Variants in LRRC4C observed in about 807,000 individuals in gnomAD.
LRRC4C encodes the protein leucine-rich repeat-containing protein 4C.
A neutral mutation model predicts 33.6 loss-of-function variants in LRRC4C; 5 were observed. The observed-to-expected ratio is 0.15, with a 90% CI of 0.08 to 0.31. The LOEUF is 0.31. Among genes scored for constraint, LRRC4C ranks in the 10% least tolerant of loss-of-function variants. The pLI is 1.00. For missense variants in LRRC4C, 560 were observed against 796.7 expected (o/e 0.70, Z 3.58); for synonymous variants, 329 against 302.0 (o/e 1.09, Z -0.93).
intron 3 of LRRC4C, among the ~76,000 whole-genome samples, chr11:40,451,233 C>A (rs1313244326): frequency 6.6e-6 from 1 of 151,394 alleles, no homozygotes; most frequent in Non-Finnish European, 1.5e-5. Flanking sequence ...GCATCAAAAG[C>A]CAGCTGCCTA....
intron 3 of LRRC4C, among the ~76,000 whole-genome samples, chr11:40,620,439 T>A (rs1962340953): frequency 6.6e-6 from 1 of 151,624 alleles, no homozygotes; most frequent in South Asian, 2.1e-4. Flanking sequence ...TGGAAGGAGG[T>A]AGACCAGAAA....
intron 1 of LRRC4C, among the ~76,000 whole-genome samples, chr11:41,016,306 G>A (rs1289360607): frequency 2.0e-5 from 3 of 152,086 alleles, no homozygotes; most frequent in Non-Finnish European, 4.4e-5. Flanking sequence ...AAAACTATAT[G>A]ACAGGAGAGT....
chr11:40,213,620 G>A (rs1026663493), intron 5 of LRRC4C, among the ~76,000 whole-genome samples: 1 of 152,114 alleles, frequency 6.6e-6, no homozygotes, highest in Non-Finnish European at 1.5e-5. Context: ...AATGGTAGCT[G>A]TGGTATCTAC....
At chr11:40,695,093 G>T (rs1291618027) in intron 2 of LRRC4C, among the ~76,000 whole-genome samples, 1 of 152,058 alleles carries the variant, frequency 6.6e-6, no homozygotes, top group Non-Finnish European at 1.5e-5. Flanking sequence ...TTGAATAACT[G>T]ATGGACCAAC....
At chr11:40,391,637 G>T (rs56249034) in intron 3 of LRRC4C, among the ~76,000 whole-genome samples, 1 of 152,066 alleles carries the variant, frequency 6.6e-6, no homozygotes, top group Non-Finnish European at 1.5e-5. Context: ...CAGTATTTCC[G>T]CTGCAAGCCA....
chr11:41,168,123 G>A (rs1042973949), intron 1 of LRRC4C, among the ~76,000 whole-genome samples: 3 of 152,086 alleles, frequency 2.0e-5, no homozygotes, highest in Non-Finnish European at 2.9e-5. Flanking sequence ...CACCTGCAGG[G>A]ACAAAGCAGG....
intron 3 of LRRC4C, among the ~76,000 whole-genome samples, chr11:40,354,358 T>C (rs116476347): frequency 1.4e-3 from 218 of 152,272 alleles, no homozygotes; most frequent in African/African-American, 5.0e-3. Flanking sequence ...TGTTCACTCA[T>C]GTCCAAGAGC....
chr11:41,058,704 T>G (rs915373714), intron 1 of LRRC4C, among the ~76,000 whole-genome samples: 2 of 152,220 alleles, frequency 1.3e-5, no homozygotes, highest in African/African-American at 4.8e-5. Flanking sequence ...AACCTGTTAT[T>G]GATAATGTAC....
intron 1 of LRRC4C, among the ~76,000 whole-genome samples, chr11:41,231,353 C>G (rs1262409218): frequency 3.9e-5 from 6 of 152,010 alleles, no homozygotes; most frequent in Non-Finnish European, 8.8e-5. Flanking sequence ...ATAGCAAAGA[C>G]TTGGAACCAA....
chr11:40,683,878 G>C (rs763805534), intron 2 of LRRC4C, among the ~76,000 whole-genome samples: 1 of 152,236 alleles, frequency 6.6e-6, no homozygotes, highest in African/African-American at 2.4e-5. Flanking sequence ...CTGCTAAAAC[G>C]CCAGGCTTGC....
intron 3 of LRRC4C, among the ~76,000 whole-genome samples, chr11:40,521,640 G>A (rs886881130): frequency 1.3e-5 from 2 of 152,126 alleles, no homozygotes; most frequent in African/African-American, 4.8e-5. Context: ...GGAGGCAAAG[G>A]TGGGTGGATC....
intron 4 of LRRC4C, among the ~76,000 whole-genome samples, chr11:40,309,276 T>C (rs1945188143): frequency 6.6e-6 from 1 of 152,214 alleles, no homozygotes; most frequent in Non-Finnish European, 1.5e-5. Flanking sequence ...ATCATATTCA[T>C]ATTCAATATT....
At chr11:41,274,633 T>C (rs1949423235) in intron 1 of LRRC4C, among the ~76,000 whole-genome samples, 1 of 152,022 alleles carries the variant, frequency 6.6e-6, no homozygotes, top group South Asian at 2.1e-4. Context: ...CAGCAGGACA[T>C]GGGTGGGGAC....
At chr11:40,463,305 GGTGTGTGTGTGT>G (rs33911904) in intron 3 of LRRC4C, among the ~76,000 whole-genome samples, 137 of 144,594 alleles carry the variant, frequency 9.5e-4, no homozygotes, top group African/African-American at 2.4e-3. Flanking sequence ...ATGTGTTACT[GGTGTGTGTGTGT>G]GTGTGTGTGT....
chr11:40,291,488 C>T (rs1164046113), intron 4 of LRRC4C, among the ~76,000 whole-genome samples: 1 of 152,206 alleles, frequency 6.6e-6, no homozygotes, highest in Non-Finnish European at 1.5e-5. Flanking sequence ...TACACAGCCT[C>T]TCTGTAATCC....
chr11:40,280,842 G>A (rs1943425533), intron 4 of LRRC4C, among the ~76,000 whole-genome samples: 1 of 152,118 alleles, frequency 6.6e-6, no homozygotes, highest in Non-Finnish European at 1.5e-5. Context: ...CACAGCTTCC[G>A]TTTAATTAGG....
chr11:40,658,039 C>T (rs11035999), intron 2 of LRRC4C, among the ~76,000 whole-genome samples: 29,585 of 152,140 alleles, frequency 0.19, 3,204 homozygotes, highest in East Asian at 0.47. Context: ...TGTAGTCTTT[C>T]CACATACCTG....
chr11:40,584,177 C>T (rs376515928), intron 3 of LRRC4C, among the ~76,000 whole-genome samples: 9 of 71,270 alleles, frequency 1.3e-4, no homozygotes, highest in East Asian at 8.3e-4. Context: ...ACGCACACTT[C>T]ATATATATAT....
At chr11:41,096,992 G>A (rs1444137843) in intron 1 of LRRC4C, among the ~76,000 whole-genome samples, 1 of 152,154 alleles carries the variant, frequency 6.6e-6, no homozygotes, top group Admixed American at 6.6e-5. Context: ...AAGAAGGGAT[G>A]ATAGGAAAAG....
Sources: allele counts gnomAD v4.1 joint callset (sites outside exome capture counted in the v4.1 genomes callset), GRCh38; gene constraint gnomAD v4.1.1; transcripts MANE v1.5; gene names NCBI Gene and HGNC (gene_info 2026-07-23, HGNC 2026-07-21).